MTMR8: variants seen among roughly 807,000 people sequenced by gnomAD.
MTMR8 encodes myotubularin related protein 8.
MTMR8 carries 65 observed loss-of-function variants against 39.3 expected under a neutral mutation model. The observed-to-expected ratio is 1.65, with a 90% CI of 1.35 to 2.03. The LOEUF is 2.03. Among genes scored for constraint, MTMR8 ranks in the 30% most tolerant of loss-of-function variants. The pLI, the probability that MTMR8 is intolerant of heterozygous loss-of-function variation, is 0.00. For missense variants in MTMR8, 777 were observed against 538.9 expected, an observed-to-expected ratio of 1.44 and a Z score of -4.37; for synonymous variants, 245 against 185.2, an observed-to-expected ratio of 1.32 and a Z score of -2.62.
chrX:64,294,595 G>A (rs982718759), intron 12 of MTMR8, among the ~76,000 whole-genome samples: 3 of 111,610 alleles, frequency 2.7e-5, no homozygotes, highest in South Asian at 3.8e-4. Flanking sequence ...CCATAAATTG[G>A]GTGGCTTATA....
chrX:64,387,196 A>G (rs764290686), intron 1 of MTMR8, among the ~76,000 whole-genome samples: 22 of 111,789 alleles, frequency 2.0e-4, no homozygotes, highest in Non-Finnish European at 3.6e-4. Flanking sequence ...GGGGAAAGAA[A>G]TGGTCAAGGG....
intron 12 of MTMR8, among the ~76,000 whole-genome samples, chrX:64,321,666 C>T (rs1922649964): frequency 9.0e-6 from 1 of 111,581 alleles, no homozygotes; most frequent in African/African-American, 3.3e-5. Context: ...AAGAATATTC[C>T]AAGACATAAT....
chrX:64,331,396 C>T, intron 11 of MTMR8, 161 bp downstream of exon 11: 1 of 460,350 alleles, frequency 2.2e-6, no homozygotes, highest in South Asian at 3.4e-5. Flanking sequence ...TCTGAGAGAT[C>T]TCTGTGCAAA....
In MTMR8 at chrX:64,359,457, G is replaced by T; in HGVS notation, c.95C>A (p.Ala32Glu). ...AGCCTCCACATAGATCAGGTGGGTTGCAGTAAGATAAAGAATCCCATTAGC... is the reference window on the plus strand; with the variant it reads ...AGCCTCCACATAGATCAGGTGGGTTTCAGTAAGATAAAGAATCCCATTAGC... The part of the protein sequence containing the change: ...KPANGILYLT[A>E]THLIYVEASG... The change falls in exon 2 of 14, where the codon GCA (alanine) becomes GAA (glutamate). Residue 32 changes from alanine to glutamate, a missense_variant. Ala to Glu is a moderately radical substitution (Grantham distance 107, BLOSUM62 -1). Coordinates refer to ENST00000374852, the MANE Select transcript of MTMR8 (RefSeq NM_017677.4). 1 of 1,208,126 alleles carries T rather than the reference G, an allele frequency of 8.3e-7. No individual in the cohort carries two copies. The highest frequency in any genetic ancestry group is 1.1e-6 in the Non-Finnish European group (1 of 893,178).
intron 12 of MTMR8, chrX:64,305,143 T>G (rs757813987): frequency 1.5e-5 from 3 of 198,176 alleles, no homozygotes; most frequent in Non-Finnish European, 3.1e-5. Flanking sequence ...TTCATCAATA[T>G]CATTTGAAGA....
rs778850947 is a variant in MTMR8, at chrX:64,268,571, C to T, written c.2081G>A (p.Ser694Asn). The T allele has an allele frequency of 2.5e-6, 3 of 1,209,744 alleles. No homozygotes were observed. The South Asian group carries it at 5.3e-5, about 21-fold the overall frequency. Residue 694 changes from serine to asparagine, a missense_variant, in exon 14 of 14, where the codon AGC (serine) becomes AAC (asparagine). Physicochemically the swap from Ser to Asn is conservative, Grantham distance 46. Transcript: ENST00000374852. Reference protein sequence around the residue: ...ILGDTGISKASTKEADYSKHQ With the variant: ...ILGDTGISKANTKEADYSKHQ ...CTTGGAGTAGTCTGCCTCCTTGGTG[C>T]TGGCCTTGGAGATGCCTGTGTCCCC...
chrX:64,337,830 G>A lies in MTMR8; in HGVS notation c.976-437C>T, dbSNP rs1054336842. 2.7e-5 allele frequency among the ~76,000 whole-genome samples: 3 copies of A among 111,536 alleles called. No individual in the cohort carries two copies. The East Asian group carries it at 8.5e-4, about 32-fold the overall frequency. On this transcript the variant is annotated intron_variant, in intron 8 of 13. Coordinates refer to ENST00000374852, the MANE Select transcript of MTMR8 (RefSeq NM_017677.4). ...CAAATGCTTTCAACTTAAGATGGAGGTGCTTGCCTGTCTTAGGTCGCTTTA... is the reference window on the plus strand; with the variant it reads ...CAAATGCTTTCAACTTAAGATGGAGATGCTTGCCTGTCTTAGGTCGCTTTA...
intron 9 of MTMR8, among the ~76,000 whole-genome samples, chrX:64,336,331 C>G (rs1234784316): frequency 9.0e-6 from 1 of 111,187 alleles, no homozygotes; most frequent in African/African-American, 3.3e-5. Context: ...TGCTCTCAGA[C>G]ATATCCAGAG....
intron 1 of MTMR8, among the ~76,000 whole-genome samples, chrX:64,361,343 G>T (rs771244190): frequency 9.0e-6 from 1 of 111,380 alleles, no homozygotes. Flanking sequence ...TCCATTTTAT[G>T]AGGGCAATTT....
intron 1 of MTMR8, 55 bp downstream of exon 1, chrX:64,395,285 G>C: frequency 8.5e-7 from 1 of 1,176,050 alleles, no homozygotes; most frequent in Non-Finnish European, 1.2e-6. Flanking sequence ...GGGCTCCCAG[G>C]TGAGCACCAA....
At chrX:64,356,440 T>C in intron 2 of MTMR8, 102 bp from the exon 3 acceptor site, 3 of 737,859 alleles carry the variant, frequency 4.1e-6, no homozygotes, top group Non-Finnish European at 5.9e-6. Flanking sequence ...TGACCAGATC[T>C]GTAGGCTACA....
At chrX:64,360,487 A>G (rs1475823473) in intron 1 of MTMR8, 1 of 162,122 alleles carries the variant, frequency 6.2e-6, no homozygotes, top group Non-Finnish European at 1.2e-5. Flanking sequence ...TCTATATCCA[A>G]CAAATAGAAC....
At chrX:64,314,314 G>T in intron 12 of MTMR8, among the ~76,000 whole-genome samples, 1 of 112,736 alleles carries the variant, frequency 8.9e-6, no homozygotes, top group Non-Finnish European at 1.9e-5. Context: ...GCTGCAGCAG[G>T]GTGCTAGGAG....
At chrX:64,333,458 T>C (rs1473058882) in intron 10 of MTMR8, among the ~76,000 whole-genome samples, 1 of 112,022 alleles carries the variant, frequency 8.9e-6, no homozygotes, top group African/African-American at 3.2e-5. Context: ...GTGTTCTTCA[T>C]TATAGCTCAA....
chrX:64,326,839 A>G (rs1209835201), intron 12 of MTMR8, among the ~76,000 whole-genome samples: 1 of 111,021 alleles, frequency 9.0e-6, no homozygotes, highest in Non-Finnish European at 1.9e-5. Context: ...ATAGAATGAT[A>G]CTGATCTAAA....
chrX:64,317,451 C>T (rs928627153), intron 12 of MTMR8, among the ~76,000 whole-genome samples: 3 of 111,302 alleles, frequency 2.7e-5, no homozygotes, highest in Non-Finnish European at 5.7e-5. Flanking sequence ...CTCATGTATT[C>T]TTTCCTCTTT....
intron 12 of MTMR8, among the ~76,000 whole-genome samples, chrX:64,289,229 G>A (rs1173936339): frequency 9.1e-6 from 1 of 110,395 alleles, no homozygotes; most frequent in Non-Finnish European, 1.9e-5. Context: ...ACACCCATTA[G>A]AATGGCTACT....
intron 1 of MTMR8, 118 bp downstream of exon 1, chrX:64,395,222 C>A: frequency 2.6e-6 from 2 of 759,041 alleles, no homozygotes. Flanking sequence ...ACCCGGGACC[C>A]CCCACAGGAA....
chrX:64,271,785 C>A (rs912153497), intron 12 of MTMR8, among the ~76,000 whole-genome samples: 2 of 112,027 alleles, frequency 1.8e-5, no homozygotes, highest in East Asian at 2.8e-4. Context: ...CTGAGGGCTA[C>A]AGAGAAGAAA....
Sources: allele counts gnomAD v4.1 joint callset (sites outside exome capture counted in the v4.1 genomes callset), GRCh38; gene constraint gnomAD v4.1.1; transcripts MANE v1.5; gene names NCBI Gene and HGNC (gene_info 2026-07-23, HGNC 2026-07-21).